The following RBFOX1 variants were observed in gnomAD, a reference collection of about 807,000 sequenced individuals.
RBFOX1 encodes the protein RNA binding protein fox-1 homolog 1.
In RBFOX1, 8 loss-of-function variants were observed where a neutral mutation model predicts 57.7. That is an observed-to-expected ratio of 0.14 (90% CI 0.08 to 0.25). The LOEUF is 0.25. RBFOX1 is among the 10% of genes least tolerant of loss of function. The pLI is 1.00. For missense variants in RBFOX1, 611 were observed against 548.5 expected (o/e 1.11, Z -1.14); for synonymous variants, 326 against 222.4 (o/e 1.47, Z -4.15).
intron 1 of RBFOX1, among the ~76,000 whole-genome samples, chr16:5,382,392 CT>C (rs34198517): frequency 0.54 from 80,511 of 147,818 alleles, 21,808 homozygotes; most frequent in African/African-American, 0.58. Context: ...CCATTTTCAT[CT>C]TTTTTTTTTT....
At chr16:6,635,503 C>G (rs989105670) in intron 2 of RBFOX1, among the ~76,000 whole-genome samples, 7 of 151,928 alleles carry the variant, frequency 4.6e-5, no homozygotes, top group African/African-American at 1.7e-4. Flanking sequence ...ATTGGGCGAA[C>G]AGAGGGAAAG....
intron 3 of RBFOX1, among the ~76,000 whole-genome samples, chr16:7,014,425 A>G (rs1462890366): frequency 6.7e-6 from 1 of 149,164 alleles, no homozygotes; most frequent in Non-Finnish European, 1.5e-5. Flanking sequence ...ATTTTTTTTT[A>G]AAGTAGGGGT....
At chr16:7,643,081 A>G (rs548414415) in intron 11 of RBFOX1, among the ~76,000 whole-genome samples, 9 of 152,260 alleles carry the variant, frequency 5.9e-5, no homozygotes, top group Non-Finnish European at 1.2e-4. Context: ...GAGGAAAGAT[A>G]CAACAGCTAA....
At chr16:5,400,493 A>G (rs2066684913) in intron 1 of RBFOX1, among the ~76,000 whole-genome samples, 1 of 152,196 alleles carries the variant, frequency 6.6e-6, no homozygotes, top group African/African-American at 2.4e-5. Flanking sequence ...CTCTTTCAAA[A>G]CAAAATTGAA....
intron 2 of RBFOX1, among the ~76,000 whole-genome samples, chr16:6,534,693 C>T (rs2096711603): frequency 6.6e-6 from 1 of 152,128 alleles, no homozygotes; most frequent in Non-Finnish European, 1.5e-5. Context: ...GCTTCCTTTG[C>T]ATTTTTTCTG....
chr16:6,328,373 C>T (rs1005853808), intron 2 of RBFOX1, among the ~76,000 whole-genome samples: 3 of 152,046 alleles, frequency 2.0e-5, no homozygotes, highest in African/African-American at 7.2e-5. Flanking sequence ...CACAGATCGC[C>T]ACTAAAGAAC....
chr16:5,858,263 C>G (rs2057121798), intron 3 of RBFOX1, among the ~76,000 whole-genome samples: 1 of 152,158 alleles, frequency 6.6e-6, no homozygotes, highest in East Asian at 1.9e-4. Flanking sequence ...GCCTCAGCAC[C>G]CACTTCTCAC....
At chr16:7,292,531 T>C (rs201721512) in intron 4 of RBFOX1, among the ~76,000 whole-genome samples, 9 of 139,062 alleles carry the variant, frequency 6.5e-5, no homozygotes, top group African/African-American at 2.1e-4. Flanking sequence ...ACTATATGTA[T>C]ACACACACAC....
At chr16:6,647,752 T>A (rs1007092341) in intron 2 of RBFOX1, among the ~76,000 whole-genome samples, 1 of 152,132 alleles carries the variant, frequency 6.6e-6, no homozygotes, top group Non-Finnish European at 1.5e-5. Flanking sequence ...CATTTTTTTT[T>A]AAAGATGGGA....
At chr16:6,675,936 C>T (rs959549059) in intron 3 of RBFOX1, among the ~76,000 whole-genome samples, 1 of 152,054 alleles carries the variant, frequency 6.6e-6, no homozygotes, top group African/African-American at 2.4e-5. Context: ...AGGCCTGAGA[C>T]CCTTGTGAAT....
chr16:5,428,150 G>A (rs920126561), intron 1 of RBFOX1, among the ~76,000 whole-genome samples: 2 of 151,658 alleles, frequency 1.3e-5, no homozygotes, highest in African/African-American at 2.4e-5. Context: ...GTGTGTGTAT[G>A]TGTGTATGTG....
chr16:6,701,037 G>T lies in RBFOX1; in HGVS notation c.-16+46387G>T, dbSNP rs77636283. Among the ~76,000 whole-genome samples the T allele has an allele frequency of 6.7e-3, 684 of 102,482 alleles. 2 individuals carry two copies. Among genetic ancestry groups the T allele is most frequent in the African/African-American group, 9.2e-3 (182 of 19,678 alleles). 67.2% of individuals were successfully genotyped at this position (102,482 alleles called of 152,430 possible). ...GAGTAGAGAGCAGAGTTGGGCAGAG[G>T]GGGGGGTGAGTCAGACTATGATGTG... is the stretch of plus-strand genomic sequence containing the variant. On this transcript the variant is annotated intron_variant, in intron 3 of 15. Transcript: ENST00000550418.
intron 3 of RBFOX1, among the ~76,000 whole-genome samples, chr16:6,731,220 A>T (rs1327243412): frequency 6.6e-6 from 1 of 152,178 alleles, no homozygotes; most frequent in Non-Finnish European, 1.5e-5. Flanking sequence ...AGAGGAACTA[A>T]ATCCAGATAC....
At chr16:6,690,577 G>T (rs2060061183) in intron 3 of RBFOX1, among the ~76,000 whole-genome samples, 1 of 151,712 alleles carries the variant, frequency 6.6e-6, no homozygotes, top group South Asian at 2.1e-4. Context: ...TGAGATGCAG[G>T]ATGATCTTAT....
At position 5,744,005 on chromosome 16, in the gene RBFOX1, G is replaced by A. The variant is rs114227422; in HGVS notation, c.319-123298G>A. 4.1e-3 allele frequency among the ~76,000 whole-genome samples: 624 copies of A among 152,222 alleles called. 7 individuals carry two copies. The highest frequency in any genetic ancestry group is 0.014 in the African/African-American group (596 of 41,534). On this transcript the variant is annotated intron_variant, in intron 3 of 19. Coordinates refer to the RBFOX1 transcript ENST00000641259. ...TTTCCCTTCAAAGGACCTATCTTAC[G>A]GAAATAGAGAAAGACTCCTGGAGAG... is the stretch of plus-strand genomic sequence containing the variant.
chr16:5,724,643 C>G (rs1448325160), intron 3 of RBFOX1, among the ~76,000 whole-genome samples: 1 of 152,134 alleles, frequency 6.6e-6, no homozygotes, highest in South Asian at 2.1e-4. Context: ...AGCATTGTCA[C>G]TCTTGTTTCT....
intron 2 of RBFOX1, among the ~76,000 whole-genome samples, chr16:6,415,920 C>T (rs140249794): frequency 6.6e-6 from 1 of 152,156 alleles, no homozygotes; most frequent in African/African-American, 2.4e-5. Context: ...CTTTGAGGAC[C>T]TTGGTTTAAT....
intron 1 of RBFOX1, among the ~76,000 whole-genome samples, chr16:5,288,222 G>C (rs2063446858): frequency 6.6e-6 from 1 of 152,204 alleles, no homozygotes. Context: ...TTTACAAGGG[G>C]TCAGAATTGT....
At chr16:6,924,169 AAATAAT>A (rs34239520) in intron 3 of RBFOX1, among the ~76,000 whole-genome samples, 3 of 146,668 alleles carry the variant, frequency 2.0e-5, no homozygotes, top group African/African-American at 5.1e-5. Context: ...TCTGTCTCAA[AAATAAT>A]AATAATAATA....
Sources: gnomAD v4.1 joint callset for allele counts (sites outside exome capture counted in the v4.1 genomes callset) on GRCh38, gnomAD v4.1.1 for gene constraint, MANE v1.5 for transcripts, NCBI Gene and HGNC (gene_info 2026-07-23, HGNC 2026-07-21) for gene names.